The following LRRC4C variants were observed in gnomAD, a reference collection of about 807,000 sequenced individuals.
LRRC4C encodes the protein leucine rich repeat containing 4C.
In LRRC4C, 5 loss-of-function variants were observed where a neutral mutation model predicts 33.6. The observed-to-expected ratio is 0.15, with a 90% confidence interval of 0.08 to 0.31. The LOEUF (loss-of-function observed/expected upper bound fraction) is 0.31, where lower values mean the gene tolerates loss of function less well. Among genes scored for constraint, LRRC4C ranks in the 10% least tolerant of loss-of-function variants. LRRC4C has a pLI of 1.00. For synonymous variants in LRRC4C, 329 were observed against 302.0 expected, an observed-to-expected ratio of 1.09 and a Z score of -0.93; for missense variants, 560 against 796.7, an observed-to-expected ratio of 0.70 and a Z score of 3.58.
intron 1 of LRRC4C, among the ~76,000 whole-genome samples, chr11:41,073,106 A>G (rs1324567785): frequency 1.3e-5 from 2 of 152,148 alleles, no homozygotes; most frequent in Non-Finnish European, 2.9e-5. Context: ...TTTAACTTGC[A>G]GTTGTCATAG....
At chr11:40,187,887 A>AAAGGTGTGT (rs1165839625) in intron 5 of LRRC4C, among the ~76,000 whole-genome samples, 1 of 152,080 alleles carries the variant, frequency 6.6e-6, no homozygotes, top group Non-Finnish European at 1.5e-5. Flanking sequence ...AGGAAAAGAG[A>AAAGGTGTGT]AAGGTGTGTG....
intron 2 of LRRC4C, among the ~76,000 whole-genome samples, chr11:40,769,802 A>T (rs900141491): frequency 7.2e-5 from 11 of 152,204 alleles, no homozygotes; most frequent in Middle Eastern, 3.2e-3. Context: ...CTAGACTTCT[A>T]TCTCTTGCCA....
At chr11:40,630,245 T>C (rs1372319482) in intron 3 of LRRC4C, among the ~76,000 whole-genome samples, 1 of 152,054 alleles carries the variant, frequency 6.6e-6, no homozygotes, top group South Asian at 2.1e-4. Context: ...GGAAAAAATA[T>C]GACAATACAC....
intron 2 of LRRC4C, among the ~76,000 whole-genome samples, chr11:40,884,924 A>G (rs1234058954): frequency 1.3e-5 from 2 of 152,054 alleles, no homozygotes; most frequent in African/African-American, 4.8e-5. Context: ...AGTGGGAGCT[A>G]AACAATGTGT....
chr11:40,267,701 C>A (rs1471886926), intron 4 of LRRC4C, among the ~76,000 whole-genome samples: 1 of 152,044 alleles, frequency 6.6e-6, no homozygotes, highest in Non-Finnish European at 1.5e-5. Context: ...ATTCTGGGAG[C>A]CTCTTTGTGT....
intron 1 of LRRC4C, among the ~76,000 whole-genome samples, chr11:41,234,711 A>C (rs2136490397): frequency 6.6e-6 from 1 of 152,190 alleles, no homozygotes; most frequent in Non-Finnish European, 1.5e-5. Context: ...AGAAAGCTCA[A>C]GAATATGAGA....
At position 41,123,256 on chromosome 11, in the gene LRRC4C, G is replaced by GTTT. The variant is rs1456350828; in HGVS notation, c.-495-189536_-495-189534dup. 1.6e-3 allele frequency among the ~76,000 whole-genome samples: 174 copies of GTTT among 107,130 alleles called. 16 individuals carry two copies. Among genetic ancestry groups the GTTT allele is most frequent in the African/African-American group, 5.9e-3 (150 of 25,338 alleles). The allele number at this position is 107,130 out of a possible 152,430, so 70.3% of individuals were successfully genotyped here. On this transcript the variant is annotated intron_variant, in intron 1 of 6. Transcript: ENST00000528697. ...AAATGCTTTCTCTATCCTGAGCTAT[G>GTTT]TTTTGTTTTTTTTTTTTTTTTTTTT...
chr11:41,315,971 A>T lies in LRRC4C; in HGVS notation c.-496+143460T>A, dbSNP rs1203710772. Among the ~76,000 whole-genome samples, 11 of 152,140 alleles carry T rather than the reference A, an allele frequency of 7.2e-5. 1 individual carries two copies. ...ACAAACGTTAATTTGCTGAATGCCT[A>T]ACTCAAAAGCCATTTATTTCTTTTC... On this transcript the variant is annotated intron_variant, in intron 1 of 6. Transcript: ENST00000528697.
chr11:40,591,311 G>A lies in LRRC4C; in HGVS notation c.-270+56831C>T, dbSNP rs565150956. 2.0e-5 allele frequency among the ~76,000 whole-genome samples: 3 copies of A among 152,262 alleles called. No individual in the cohort carries two copies. The East Asian group carries it at 5.8e-4, about 30-fold the overall frequency. On this transcript the variant is annotated intron_variant, in intron 3 of 6. Coordinates refer to ENST00000528697, the MANE Select transcript of LRRC4C (RefSeq NM_001258419.2). ...CCCTGACCCCTTGTGCTTCCTTAGT[G>A]AGGCAATGCCTCGCCCTGCTTCAGC...
At chr11:40,952,890 A>ACT (rs1403667687) in intron 1 of LRRC4C, among the ~76,000 whole-genome samples, 23 of 50,386 alleles carry the variant, frequency 4.6e-4, no homozygotes, top group African/African-American at 9.9e-4. Flanking sequence ...ACACACACAC[A>ACT]CACACACTCT....
chr11:40,655,261 T>C (rs1265124281), intron 2 of LRRC4C, among the ~76,000 whole-genome samples: 1 of 152,210 alleles, frequency 6.6e-6, no homozygotes, highest in Non-Finnish European at 1.5e-5. Flanking sequence ...ATACCATGTG[T>C]TGATTTCAAT....
At chr11:41,226,789 C>T (rs539696904) in intron 1 of LRRC4C, among the ~76,000 whole-genome samples, 14 of 145,346 alleles carry the variant, frequency 9.6e-5, no homozygotes, top group Non-Finnish European at 1.5e-4. Flanking sequence ...CTTCTCTCTA[C>T]GTGTAGTCAC....
chr11:41,253,858 G>T (rs1948718365), intron 1 of LRRC4C, among the ~76,000 whole-genome samples: 2 of 152,032 alleles, frequency 1.3e-5, no homozygotes, highest in African/African-American at 4.8e-5. Context: ...TTAGAATAAG[G>T]ATCCACCATC....
intron 5 of LRRC4C, among the ~76,000 whole-genome samples, chr11:40,192,837 G>A (rs1406703359): frequency 6.6e-6 from 1 of 152,150 alleles, no homozygotes; most frequent in Non-Finnish European, 1.5e-5. Flanking sequence ...AAGCCACTGG[G>A]AAGTTCGGAC....
At chr11:40,998,519 A>G (rs951082818) in intron 1 of LRRC4C, among the ~76,000 whole-genome samples, 7 of 152,116 alleles carry the variant, frequency 4.6e-5, no homozygotes, top group African/African-American at 1.7e-4. Flanking sequence ...TTCTCCATGC[A>G]ATATAAGGAT....
At chr11:40,473,632 G>C (rs1953056746) in intron 3 of LRRC4C, among the ~76,000 whole-genome samples, 1 of 152,026 alleles carries the variant, frequency 6.6e-6, no homozygotes, top group Admixed American at 6.6e-5. Context: ...GAAATAAAGG[G>C]TACTCAAATA....
intron 1 of LRRC4C, among the ~76,000 whole-genome samples, chr11:40,996,154 C>G (rs1853955548): frequency 6.6e-6 from 1 of 151,968 alleles, no homozygotes; most frequent in Admixed American, 6.6e-5. Context: ...TTGTAGTTAC[C>G]AAATGAAATT....
At chr11:41,195,546 T>C (rs765284367) in intron 1 of LRRC4C, among the ~76,000 whole-genome samples, 7 of 151,842 alleles carry the variant, frequency 4.6e-5, no homozygotes, top group Non-Finnish European at 8.8e-5. Context: ...CATGGAGATA[T>C]TTCCCCCCCC....
chr11:41,172,243 C>T (rs1352879878), intron 1 of LRRC4C, among the ~76,000 whole-genome samples: 12 of 152,128 alleles, frequency 7.9e-5, no homozygotes. Context: ...AGTCTGAATG[C>T]CATCAATTCA....
Sources: gnomAD v4.1 joint callset for allele counts (sites outside exome capture counted in the v4.1 genomes callset) on GRCh38, gnomAD v4.1.1 for gene constraint, MANE v1.5 for transcripts, NCBI Gene and HGNC (gene_info 2026-07-23, HGNC 2026-07-21) for gene names.